Variants in ATG4B observed in about 807,000 individuals in gnomAD.
ATG4B encodes cysteine protease ATG4B.
Under a neutral mutation model 56.6 loss-of-function variants are expected in ATG4B, and 29 were observed. That is an observed-to-expected ratio of 0.51 (90% CI 0.38 to 0.70). The LOEUF is 0.70. Ranked by LOEUF, ATG4B falls within the 30% of genes least tolerant of loss-of-function variation. The pLI is 0.00. For missense variants in ATG4B, 461 were observed against 515.5 expected (o/e 0.89, Z 1.02); for synonymous variants, 224 against 206.1 (o/e 1.09, Z -0.74).
rs1575077033 is a variant in ATG4B at position 241,659,164 on chromosome 2, A to G, written c.515A>G (p.Asn172Ser). 1 of 1,613,838 alleles carries G rather than the reference A, an allele frequency of 6.2e-7. No homozygotes were observed. The highest frequency in any genetic ancestry group is 8.5e-7 in the Non-Finnish European group (1 of 1,179,710). The change falls in exon 7 of 13, where the codon AAC becomes AGC. Residue 172 changes from asparagine (N) to serine (S), a missense_variant. By Grantham distance (46) the Asn-to-Ser change is conservative. Coordinates refer to ENST00000404914, the MANE Select transcript of ATG4B (RefSeq NM_013325.5). ...SSLAVHIAMD[N>S]TVVMEEIRRL... ...TTGGCGGTCCACATTGCAATGGACA[A>G]CACTGTTGTGATGGAGGAAATCAGT... is the stretch of plus-strand genomic sequence containing the variant.
chr2:241,672,143 A>C, intron 12 of ATG4B, 48 bp from the exon 13 acceptor site: 3 of 1,551,762 alleles, frequency 1.9e-6, no homozygotes, highest in Non-Finnish European at 2.6e-6. Flanking sequence ...ACTCACACCC[A>C]GGTGGCCCAC....
chr2:241,654,442 A>AT, intron 4 of ATG4B, 104 bp from the exon 5 acceptor site: 2 of 612,682 alleles, frequency 3.3e-6, no homozygotes, highest in Non-Finnish European at 2.7e-6. Context: ...AAAAAAAAAA[A>AT]GATTCTGAAA....
intron 5 of ATG4B, chr2:241,655,033 A>G: frequency 1.7e-6 from 1 of 590,208 alleles, no homozygotes; most frequent in Non-Finnish European, 3.0e-6. Context: ...GTTTTCACTT[A>G]TAGAAGGAAG....
Position 241,672,436 on chromosome 2 carries a change from C to A in ATG4B, c.*172C>A. On this transcript the variant is annotated 3_prime_UTR_variant, in exon 13 of 13. Transcript: ENST00000404914. ...CTGCGCTGCCCGGGAGGCCTTACTG[C>A]TTGGTGTCAGACTGCCCAGCTCAGA... 1 of 641,658 alleles carries A rather than the reference C, an allele frequency of 1.6e-6. No individual in the cohort carries two copies. Among genetic ancestry groups the A allele is most frequent in the Non-Finnish European group, 2.7e-6 (1 of 371,666 alleles). 39.7% of individuals were successfully genotyped at this position (641,658 alleles called of 1,614,324 possible). A position where few individuals can be genotyped will look rare whatever the true frequency, so the allele number is the denominator to read the frequency against.
chr2:241,671,244 G>A (rs760807095), intron 11 of ATG4B, 68 bp from the exon 12 acceptor site: 3 of 1,417,770 alleles, frequency 2.1e-6, no homozygotes, highest in Non-Finnish European at 2.0e-6. Flanking sequence ...TGGCCGGCTG[G>A]CCCCTTTCTC....
chr2:241,660,748 T>C (rs1010113629), intron 7 of ATG4B, among the ~76,000 whole-genome samples: 2 of 152,220 alleles, frequency 1.3e-5, no homozygotes, highest in Non-Finnish European at 2.9e-5. Context: ...GTGACAGCAT[T>C]GTAATTATTA....
intron 1 of ATG4B, among the ~76,000 whole-genome samples, chr2:241,639,230 G>A (rs113032832): frequency 0.017 from 2,587 of 152,316 alleles, 76 homozygotes; most frequent in African/African-American, 0.059. Flanking sequence ...CTCCCACGGC[G>A]GACTCCAGCG....
intron 10 of ATG4B, among the ~76,000 whole-genome samples, chr2:241,670,187 C>G (rs201994932): frequency 2.1e-3 from 319 of 152,328 alleles, no homozygotes; most frequent in Non-Finnish European, 3.7e-3. Flanking sequence ...TTGAGAATTC[C>G]TAGTGACTGT....
At chr2:241,657,284 CTCTT>C (rs1200192248) in intron 6 of ATG4B, among the ~76,000 whole-genome samples, 4 of 136,922 alleles carry the variant, frequency 2.9e-5, no homozygotes, top group Non-Finnish European at 6.3e-5. Flanking sequence ...CAGGACTCCT[CTCTT>C]TCTTTTTTTT....
At chr2:241,661,827 C>G (rs2068603129) in intron 7 of ATG4B, among the ~76,000 whole-genome samples, 1 of 152,066 alleles carries the variant, frequency 6.6e-6, no homozygotes, top group African/African-American at 2.4e-5. Flanking sequence ...CTCTTCTTGT[C>G]CTTAACGTTG....
Position 241,655,275 on chromosome 2 carries a change from A to G in ATG4B, c.390A>G (p.Gln130=), listed in dbSNP as rs1219229296. Reference sequence around the variant, plus strand: ...ATGTGTATCTGTTCCCTGCAGCGCAAATGGGAGTTGGCGAAGGCAAGTCCA... The same window carrying G: ...ATGTGTATCTGTTCCCTGCAGCGCAGATGGGAGTTGGCGAAGGCAAGTCCA... ...DSYYSIHQIA[Q]MGVGEGKSIG... The change falls in exon 6 of 13, where the codon CAA becomes CAG. Residue 130 remains glutamine (Q), a synonymous_variant. Coordinates refer to ENST00000404914, the MANE Select transcript of ATG4B (RefSeq NM_013325.5). 6.2e-7 allele frequency: 1 copy of G among 1,611,240 alleles called. No homozygotes were observed. The highest frequency in any genetic ancestry group is 8.5e-7 in the Non-Finnish European group (1 of 1,178,732).
Position 241,668,030 on chromosome 2 carries a change from C to G in ATG4B, c.733-113C>G, listed in dbSNP as rs527623600. On this transcript the variant is annotated intron_variant, in intron 8 of 12. Transcript: ENST00000404914. This position sits in a 1 kb window ranked among gnomAD's most constrained non-coding sequence, Gnocchi z 4.2. Reference sequence around the variant, plus strand: ...TTGGTACCATGTCCCCTCCTGTCCCCTCTTGTGTCACCCAGTTGGGCCTCA... The same window carrying G: ...TTGGTACCATGTCCCCTCCTGTCCCGTCTTGTGTCACCCAGTTGGGCCTCA... The G allele has an allele frequency of 1.2e-5, 12 of 1,008,080 alleles. No homozygotes were observed. Among genetic ancestry groups the G allele is most frequent in the Admixed American group, 4.7e-5 (2 of 42,156 alleles). The allele number at this position is 1,008,080 out of a possible 1,614,324, so 62.4% of individuals were successfully genotyped here.
chr2:241,649,693 C>T (rs929933446), intron 1 of ATG4B, among the ~76,000 whole-genome samples: 1 of 152,164 alleles, frequency 6.6e-6, no homozygotes, highest in Non-Finnish European at 1.5e-5. Context: ...CATTGTGGGA[C>T]ATGGGTATCC....
chr2:241,666,869 G>A, intron 8 of ATG4B, 31 bp downstream of exon 8: 1 of 1,532,140 alleles, frequency 6.5e-7, no homozygotes, highest in East Asian at 2.5e-5. Flanking sequence ...CTTGCCCTGA[G>A]TCCCCGTCCC....
At chr2:241,656,502 C>T (rs896778316) in intron 6 of ATG4B, among the ~76,000 whole-genome samples, 1 of 152,174 alleles carries the variant, frequency 6.6e-6, no homozygotes, top group Non-Finnish European at 1.5e-5. Context: ...ACCAAGTCAG[C>T]GCTGTTTCTC....
chr2:241,671,248 C>T, intron 11 of ATG4B, 64 bp from the exon 12 acceptor site: 1 of 1,478,528 alleles, frequency 6.8e-7, no homozygotes, highest in East Asian at 2.4e-5. Context: ...CGGCTGGCCC[C>T]TTTCTCTTGG....
intron 1 of ATG4B, among the ~76,000 whole-genome samples, chr2:241,644,139 G>C (rs935672068): frequency 4.7e-4 from 72 of 152,070 alleles, no homozygotes; most frequent in African/African-American, 1.6e-3. Context: ...TGGAGCCCAG[G>C]AGTTTGAGAC....
intron 5 of ATG4B, chr2:241,654,948 A>G: frequency 1.8e-6 from 1 of 570,344 alleles, no homozygotes; most frequent in South Asian, 2.2e-5. Flanking sequence ...AGTGAATCTG[A>G]ATGCTCAGAT....
chr2:241,665,115 G>A (rs147512539), intron 7 of ATG4B, among the ~76,000 whole-genome samples: 4 of 152,290 alleles, frequency 2.6e-5, no homozygotes, highest in South Asian at 4.1e-4. Context: ...GTGAGACCCC[G>A]TCTCTAAAAG....
Sources: allele counts gnomAD v4.1 joint callset (sites outside exome capture counted in the v4.1 genomes callset), GRCh38; gene constraint gnomAD v4.1.1; non-coding constraint Gnocchi (gnomAD v3.1); transcripts MANE v1.5; gene names NCBI Gene and HGNC (gene_info 2026-07-23, HGNC 2026-07-21).